Variants in ADH4 observed in about 807,000 individuals in gnomAD.
The protein encoded by ADH4 is alcohol dehydrogenase 4 (class II), pi polypeptide.
Under a neutral mutation model 35.2 loss-of-function variants are expected in ADH4, and 31 were observed. The observed-to-expected ratio is 0.88, with a 90% CI of 0.66 to 1.19. ADH4 has a LOEUF of 1.19. Ranked by LOEUF, ADH4 falls within the 50% of genes most tolerant of loss-of-function variation. ADH4 has a pLI of 0.00. For synonymous variants in ADH4, 171 were observed against 160.2 expected (o/e 1.07, Z -0.51); for missense variants, 476 against 458.3 (o/e 1.04, Z -0.35).
intron 8 of ADH4, 110 bp downstream of exon 8, chr4:99,126,484 G>A: frequency 9.2e-7 from 1 of 1,085,280 alleles, no homozygotes; most frequent in South Asian, 1.7e-5. Flanking sequence ...CTAGTACCTG[G>A]GATGTGGAAA....
chr4:99,135,289 C>T (rs1729400170), intron 5 of ADH4, among the ~76,000 whole-genome samples: 1 of 151,850 alleles, frequency 6.6e-6, no homozygotes, highest in Non-Finnish European at 1.5e-5. Flanking sequence ...AATAGCCAGG[C>T]ATCGTGGTGC....
intron 5 of ADH4, among the ~76,000 whole-genome samples, chr4:99,135,738 A>G (rs1320602449): frequency 6.6e-6 from 1 of 152,186 alleles, no homozygotes; most frequent in African/African-American, 2.4e-5. Flanking sequence ...AGGAAAAATA[A>G]AATCTTCAGA....
At chr4:99,142,653 C>T (rs775555500) in intron 2 of ADH4, 26 bp downstream of exon 2, 2 of 1,482,822 alleles carry the variant, frequency 1.3e-6, no homozygotes, top group South Asian at 2.9e-5. Flanking sequence ...CCTGTCTGTT[C>T]CCACCCAAGG....
chr4:99,139,056 C>T lies in ADH4; in HGVS notation c.350+5G>A, dbSNP rs1729529954. The T allele has an allele frequency of 6.2e-7, 1 of 1,605,290 alleles. No homozygotes were observed. Among genetic ancestry groups the T allele is most frequent in the Non-Finnish European group, 8.5e-7 (1 of 1,172,630 alleles). On this transcript the variant is annotated splice_donor_5th_base_variant and intron_variant, in intron 4 of 8. Coordinates refer to ENST00000265512, the MANE Select transcript of ADH4 (RefSeq NM_000670.5). ...ATACTAATACTAACAGTGTAGAGTG[C>T]TTACCTGATTTTCCCACACAAATTT...
intron 6 of ADH4, 140 bp from the exon 7 acceptor site, chr4:99,127,484 G>C (rs983890140): frequency 5.0e-6 from 3 of 602,840 alleles, no homozygotes; most frequent in Non-Finnish European, 8.1e-6. Context: ...TGACATCATA[G>C]TATCATTGTA....
At chr4:99,136,119 G>C (rs1266965717) in intron 5 of ADH4, among the ~76,000 whole-genome samples, 1 of 152,172 alleles carries the variant, frequency 6.6e-6, no homozygotes, top group Admixed American at 6.5e-5. Context: ...CTTTGACTGA[G>C]TCAGCTGTCC....
At position 99,136,655 on chromosome 4, in the gene ADH4, G is replaced by T. The variant is rs764571785; in HGVS notation, c.393C>A (p.Asp131Glu). ...SPASDQQLME[D>E]KTSRFTCKGK... Reference sequence around the variant, plus strand: ...CTTTGCAGGTAAACCTGCTGGTTTTGTCTTCCATTAGTTGTTGATCACTAG... The same window carrying T: ...CTTTGCAGGTAAACCTGCTGGTTTTTTCTTCCATTAGTTGTTGATCACTAG... The change falls in exon 5 of 9, where the codon GAC becomes GAA. Residue 131 changes from aspartate to glutamate, a missense_variant. Physicochemically the swap from Asp to Glu is conservative, Grantham distance 45 (BLOSUM62 2). Transcript: ENST00000265512. The T allele has an allele frequency of 4.3e-6, 7 of 1,613,858 alleles. 1 individual carries two copies. The highest frequency in any genetic ancestry group is 3.3e-5 in the South Asian group (3 of 91,070).
chr4:99,140,401 C>G (rs1357768492), intron 3 of ADH4, among the ~76,000 whole-genome samples: 1 of 152,100 alleles, frequency 6.6e-6, no homozygotes, highest in Non-Finnish European at 1.5e-5. Flanking sequence ...TGGTGAAACC[C>G]TGTCTCTACT....
chr4:99,141,964 A>G (rs983839507), intron 2 of ADH4, among the ~76,000 whole-genome samples: 2 of 152,218 alleles, frequency 1.3e-5, no homozygotes, highest in African/African-American at 4.8e-5. Context: ...ATCAAAGGTA[A>G]TAGGGCTTAT....
Position 99,142,931 on chromosome 4 carries a change from T to C in ADH4, c.19-151A>G, listed in dbSNP as rs29001174. On this transcript the variant is annotated intron_variant, in intron 1 of 8. Coordinates refer to ENST00000265512, the MANE Select transcript of ADH4 (RefSeq NM_000670.5). Reference sequence around the variant, plus strand: ...TTAAAGAGTTTGTAGCTGGATCTTATAGATATTATTTTAAAGACAAGGGAT... The same window carrying C: ...TTAAAGAGTTTGTAGCTGGATCTTACAGATATTATTTTAAAGACAAGGGAT... 4.6e-4 allele frequency: 285 copies of C among 613,792 alleles called. 1 individual carries two copies. In the African/African-American group the frequency reaches 4.9e-3, roughly 11 times the overall value. The allele number at this position is 613,792 out of a possible 1,614,324, so 38.0% of individuals were successfully genotyped here.
chr4:99,136,172 G>T (rs1404379635), intron 5 of ADH4, among the ~76,000 whole-genome samples: 1 of 152,122 alleles, frequency 6.6e-6, no homozygotes, highest in African/African-American at 2.4e-5. Flanking sequence ...TAAACAGGCT[G>T]TATTTAAATC....
intron 6 of ADH4, 137 bp downstream of exon 6, chr4:99,131,367 T>C (rs1469184730): frequency 3.1e-5 from 30 of 981,172 alleles, no homozygotes; most frequent in Non-Finnish European, 4.4e-5. Context: ...TGGGAAATGA[T>C]TTGTGGCTTA....
At chr4:99,135,553 C>T (rs1249963210) in intron 5 of ADH4, among the ~76,000 whole-genome samples, 1 of 152,108 alleles carries the variant, frequency 6.6e-6, no homozygotes, top group Non-Finnish European at 1.5e-5. Context: ...GCAGTCTTCT[C>T]TGCATTGTTG....
intron 6 of ADH4, among the ~76,000 whole-genome samples, chr4:99,130,094 T>C (rs964375237): frequency 1.3e-5 from 2 of 152,204 alleles, no homozygotes; most frequent in Non-Finnish European, 2.9e-5. Context: ...AAAAAAATAG[T>C]GTTAAGGTTT....
At chr4:99,139,643 A>G (rs17218560) in intron 3 of ADH4, among the ~76,000 whole-genome samples, 31,979 of 152,178 alleles carry the variant, frequency 0.21, 4,035 homozygotes, top group Non-Finnish European at 0.28. Flanking sequence ...CTGAGGTCTA[A>G]TGATGATAAT....
At chr4:99,127,693 G>A (rs922103068) in intron 6 of ADH4, among the ~76,000 whole-genome samples, 33 of 151,960 alleles carry the variant, frequency 2.2e-4, no homozygotes, top group Admixed American at 6.5e-4. Context: ...GCTGGGTGTG[G>A]TTGTGCCTGC....
In ADH4 at chr4:99,124,481, A is replaced by G; in HGVS notation, c.1119-15T>C. The G allele has an allele frequency of 6.9e-7, 1 of 1,445,866 alleles. No homozygotes were observed. Among genetic ancestry groups the G allele is most frequent in the East Asian group, 2.4e-5 (1 of 41,748 alleles). 89.6% of individuals were successfully genotyped at this position (1,445,866 alleles called of 1,614,324 possible). A position where few individuals can be genotyped will look rare whatever the true frequency, so the allele number is the denominator to read the frequency against. ...TTGTTCGGACGCTGTTAATAACAAT[A>G]AAACATTAATAAGTATAATTTTCAT... On this transcript the variant is annotated splice_polypyrimidine_tract_variant and intron_variant, in intron 8 of 8. Transcript: ENST00000265512.
At chr4:99,126,251 A>G (rs1208755862) in intron 8 of ADH4, among the ~76,000 whole-genome samples, 1 of 151,678 alleles carries the variant, frequency 6.6e-6, no homozygotes, top group African/African-American at 2.4e-5. Context: ...ACTGCAGAAC[A>G]CCACGGTGCT....
chr4:99,141,340 T>G (rs1486606502), intron 3 of ADH4, among the ~76,000 whole-genome samples: 2 of 152,224 alleles, frequency 1.3e-5, no homozygotes, highest in African/African-American at 4.8e-5. Context: ...CCACATTTCC[T>G]AGATTTTATT....
Sources: gnomAD v4.1 joint callset for allele counts (sites outside exome capture counted in the v4.1 genomes callset) on GRCh38, gnomAD v4.1.1 for gene constraint, MANE v1.5 for transcripts, NCBI Gene and HGNC (gene_info 2026-07-23, HGNC 2026-07-21) for gene names.